The following TAB2 variants were observed in gnomAD, a reference collection of about 807,000 sequenced individuals.
The protein encoded by TAB2 is TGF-beta-activated kinase 1 and MAP3K7-binding protein 2.
TAB2 carries 3 observed loss-of-function variants against 65.0 expected under a neutral mutation model. The ratio of observed to expected loss-of-function variants is 0.05; its 90% CI spans 0.02 to 0.12. The LOEUF (loss-of-function observed/expected upper bound fraction) is 0.12, where lower values mean the gene tolerates loss of function less well. TAB2 is among the 10% of genes least tolerant of loss of function. The pLI, the probability that TAB2 is intolerant of heterozygous loss-of-function variation, is 1.00. For missense variants in TAB2, 623 were observed against 840.3 expected, an observed-to-expected ratio of 0.74 and a Z score of 3.20; for synonymous variants, 298 against 285.1, an observed-to-expected ratio of 1.05 and a Z score of -0.46.
chr6:149,322,148 G>GA (rs200795975), intron 1 of TAB2, among the ~76,000 whole-genome samples: 35,525 of 151,972 alleles, frequency 0.23, 4,314 homozygotes, highest in Non-Finnish European at 0.26. Flanking sequence ...GACTCTTCCA[G>GA]ATGCTGGAGG....
chr6:149,294,080 G>A (rs979808133), intron 1 of TAB2, among the ~76,000 whole-genome samples: 6 of 152,206 alleles, frequency 3.9e-5, no homozygotes, highest in African/African-American at 1.4e-4. Flanking sequence ...TTGCTAGAGA[G>A]TAATGGCCTT....
At chr6:149,317,415 G>A, upstream of TAB2, 1 of 63,012 alleles carries the variant, frequency 1.6e-5, no homozygotes, top group Non-Finnish European at 3.0e-5. This position sits in a 1 kb window ranked among gnomAD's most constrained non-coding sequence, Gnocchi z 4.7. Flanking sequence ...GGCCGCAGCC[G>A]CAGCCGCCGC....
rs528878570 is a variant in TAB2 at position 149,372,837 on chromosome 6, A to G, written c.102+2738A>G. On this transcript the variant is annotated intron_variant, in intron 2 of 6. Coordinates refer to ENST00000637181, the MANE Select transcript of TAB2 (RefSeq NM_001292034.3). Reference sequence around the variant, plus strand: ...TTTAGAGCAATATTTTTAAACGGGCAAATTAAGCTACCTCTAAATGACAGC... The same window carrying G: ...TTTAGAGCAATATTTTTAAACGGGCGAATTAAGCTACCTCTAAATGACAGC... 4.6e-5 allele frequency among the ~76,000 whole-genome samples: 7 copies of G among 152,298 alleles called. No homozygotes were observed. The South Asian group carries it at 1.0e-3, about 23-fold the overall frequency.
chr6:149,335,021 T>TCCGCCTCCCTC (rs1779892240), intron 1 of TAB2, among the ~76,000 whole-genome samples: 1 of 152,030 alleles, frequency 6.6e-6, no homozygotes, highest in South Asian at 2.1e-4. Flanking sequence ...ACCCCTCCCT[T>TCCGCCTCCCTC]CCGCCTCCCT....
chr6:149,308,225 G>T (rs1779102959), intron 1 of TAB2, among the ~76,000 whole-genome samples: 1 of 152,044 alleles, frequency 6.6e-6, no homozygotes, highest in Non-Finnish European at 1.5e-5. Flanking sequence ...TTATTCCTAG[G>T]AGTGGAAGAG....
chr6:149,276,404 G>A (rs1461661550), intron 1 of TAB2, among the ~76,000 whole-genome samples: 2 of 152,172 alleles, frequency 1.3e-5, no homozygotes, highest in East Asian at 1.9e-4. Flanking sequence ...CTAGCGATGA[G>A]ACATTGTACT....
intron 1 of TAB2, among the ~76,000 whole-genome samples, chr6:149,272,102 C>G (rs113434837): frequency 2.6e-5 from 4 of 152,210 alleles, no homozygotes; most frequent in African/African-American, 9.6e-5. Context: ...CTTCCCCACC[C>G]TAGGAGAAAG....
At chr6:149,249,170 G>GCA (rs35356478) in intron 1 of TAB2, among the ~76,000 whole-genome samples, 26 of 150,154 alleles carry the variant, frequency 1.7e-4, no homozygotes, top group African/African-American at 3.2e-4. Context: ...ACACACACAC[G>GCA]CACACACACA....
upstream of TAB2, among the ~76,000 whole-genome samples, chr6:149,317,014 C>A (rs1308206871): frequency 6.6e-6 from 1 of 150,636 alleles, no homozygotes; most frequent in Non-Finnish European, 1.5e-5. This position sits in a 1 kb window ranked among gnomAD's most constrained non-coding sequence, Gnocchi z 4.7. Flanking sequence ...CCCACCTGCT[C>A]CTCTCGGCCG....
At chr6:149,388,652 A>G (rs1464923480) in intron 3 of TAB2, among the ~76,000 whole-genome samples, 1 of 152,160 alleles carries the variant, frequency 6.6e-6, no homozygotes, top group Non-Finnish European at 1.5e-5. Context: ...TTAAATTTTC[A>G]TCTTTTTCTT....
rs188380493 is a variant in TAB2, at chr6:149,409,781, C to T, written c.*62C>T. The stretch of plus-strand genomic sequence containing the variant: ...AAAGTTCAAGAAACTAGTCTGTCAT[C>T]GGGAAAAAGTTTCACTGCTACATAG... On this transcript the variant is annotated 3_prime_UTR_variant, in exon 7 of 7. Coordinates refer to ENST00000637181, the MANE Select transcript of TAB2 (RefSeq NM_001292034.3). 9.4e-6 allele frequency: 15 copies of T among 1,595,226 alleles called. No individual in the cohort carries two copies. The highest frequency in any genetic ancestry group is 5.0e-5 in the Admixed American group (3 of 59,936).
At chr6:149,329,842 A>C (rs1779731130) in intron 1 of TAB2, among the ~76,000 whole-genome samples, 2 of 152,170 alleles carry the variant, frequency 1.3e-5, no homozygotes, top group African/African-American at 4.8e-5. Context: ...ACTTCTTAGA[A>C]CATTGTTTAT....
In TAB2 at chr6:149,325,929, G is replaced by A. The variant is rs116668103; in HGVS notation, c.-90+7914G>A. On this transcript the variant is annotated intron_variant, in intron 1 of 6. Transcript: ENST00000637181. Reference sequence around the variant, plus strand: ...TTACTTTTTATTTTTTGTAGAGAAGGGTTCTTCCTATTTTGCTTAGGCTGG... The same window carrying A: ...TTACTTTTTATTTTTTGTAGAGAAGAGTTCTTCCTATTTTGCTTAGGCTGG... Among the ~76,000 whole-genome samples, 1,147 of 152,054 alleles carry A rather than the reference G, an allele frequency of 7.5e-3. 9 individuals are homozygous for A. Among genetic ancestry groups the A allele is most frequent in the African/African-American group, 0.027 (1,100 of 41,478 alleles).
chr6:149,229,907 T>C (rs1777366729), intron 1 of TAB2: 1 of 152,242 alleles, frequency 6.6e-6, no homozygotes, highest in African/African-American at 2.4e-5. Flanking sequence ...ATCCAAGTTT[T>C]AAATTTCCCT....
At chr6:149,287,635 C>T (rs907590032) in intron 1 of TAB2, among the ~76,000 whole-genome samples, 5 of 152,100 alleles carry the variant, frequency 3.3e-5, no homozygotes, top group Non-Finnish European at 5.9e-5. Context: ...AACACAGGGC[C>T]GCTCTCAGTC....
intron 1 of TAB2, chr6:149,220,968 A>G (rs1280310877): frequency 6.6e-6 from 1 of 152,180 alleles, no homozygotes; most frequent in Non-Finnish European, 1.5e-5. Context: ...CTTGAATTGT[A>G]TCATTGGCAA....
intron 1 of TAB2, among the ~76,000 whole-genome samples, chr6:149,336,922 T>TA (rs67712825): frequency 0.23 from 34,226 of 149,376 alleles, 4,018 homozygotes; most frequent in Non-Finnish European, 0.25. Context: ...TGCATTTAGA[T>TA]AAAAAAAAAA....
Position 149,289,398 on chromosome 6 carries a change from A to AG in TAB2, c.-121+70622_-121+70623insG, listed in dbSNP as rs1376781408. Among the ~76,000 whole-genome samples, 297 of 151,826 alleles carry AG rather than the reference A, an allele frequency of 2.0e-3. 3 individuals are homozygous for AG. Among genetic ancestry groups the AG allele is most frequent in the African/African-American group, 6.9e-3 (287 of 41,334 alleles). On this transcript the variant is annotated intron_variant, in intron 1 of 1. Coordinates refer to the TAB2 transcript ENST00000606202. ...GACATAGCAAGACCCTGTCTCTAAAAAAAAAAAAGGCCAAAGTCCTTACCA... is the reference window on the plus strand; with the variant it reads ...GACATAGCAAGACCCTGTCTCTAAAAGAAAAAAAAGGCCAAAGTCCTTACCA...
intron 6 of TAB2, among the ~76,000 whole-genome samples, chr6:149,399,562 T>C (rs1782298428): frequency 6.6e-6 from 1 of 150,980 alleles, no homozygotes; most frequent in Non-Finnish European, 1.5e-5. Flanking sequence ...GTTTAATTTA[T>C]ATATAACTTT....
Sources: gnomAD v4.1 joint callset for allele counts (sites outside exome capture counted in the v4.1 genomes callset) on GRCh38, gnomAD v4.1.1 for gene constraint, Gnocchi (gnomAD v3.1) non-coding constraint, MANE v1.5 for transcripts, NCBI Gene and HGNC (gene_info 2026-07-23, HGNC 2026-07-21) for gene names.